The following FARP2 variants were observed in gnomAD, a reference collection of about 807,000 sequenced individuals.
The protein encoded by FARP2 is FERM, ARHGEF and pleckstrin domain-containing protein 2.
A neutral mutation model predicts 130.5 loss-of-function variants in FARP2; 111 were observed. The observed-to-expected ratio is 0.85, with a 90% CI of 0.73 to 1.00. The LOEUF (loss-of-function observed/expected upper bound fraction) is 1.00, where lower values mean the gene tolerates loss of function less well. Among genes scored for constraint, FARP2 ranks in the 50% least tolerant of loss-of-function variants. The pLI, the probability that FARP2 is intolerant of heterozygous loss-of-function variation, is 0.00. For missense variants in FARP2, 1,385 were observed against 1,346.3 expected, an observed-to-expected ratio of 1.03 and a Z score of -0.45; for synonymous variants, 504 against 516.9, an observed-to-expected ratio of 0.98 and a Z score of 0.34.
chr2:241,400,078 C>T (rs1050475772), intron 2 of FARP2, among the ~76,000 whole-genome samples: 1 of 152,150 alleles, frequency 6.6e-6, no homozygotes, highest in South Asian at 2.1e-4. Flanking sequence ...CTTGCACCTG[C>T]GTGGTTAGTG....
At chr2:241,466,230 C>A in intron 17 of FARP2, 2 of 985,412 alleles carry the variant, frequency 2.0e-6, no homozygotes, top group South Asian at 9.4e-5. Flanking sequence ...GGGCCCCTGT[C>A]CCCCTACAGT....
intron 8 of FARP2, among the ~76,000 whole-genome samples, chr2:241,426,788 T>A (rs560333686): frequency 5.9e-5 from 9 of 152,306 alleles, no homozygotes; most frequent in African/African-American, 1.4e-4. Flanking sequence ...TGTGCAGGTT[T>A]AAAAGTGTTG....
intron 1 of FARP2, among the ~76,000 whole-genome samples, chr2:241,367,950 T>C (rs1042164767): frequency 6.6e-6 from 1 of 151,566 alleles, no homozygotes; most frequent in Non-Finnish European, 1.5e-5. Context: ...GATAAAGAGA[T>C]TTTCCATATA....
At chr2:241,473,571 C>T (rs1382269764) in intron 18 of FARP2, among the ~76,000 whole-genome samples, 1 of 152,212 alleles carries the variant, frequency 6.6e-6, no homozygotes, top group African/African-American at 2.4e-5. Flanking sequence ...AGGTGCAGCA[C>T]AGTGTCCATG....
rs996464229 is a variant in FARP2, at chr2:241,475,561, G to T, written c.2132-296G>T. The stretch of plus-strand genomic sequence containing the variant: ...AAACCCTATTGTGAACTGCACATGT[G>T]GGGGATCTAGTTTGTATGCTCCTTG... On this transcript the variant is annotated intron_variant, in intron 18 of 26. Transcript: ENST00000264042. The surrounding 1 kb of genome is among the most constrained non-coding windows in gnomAD (Gnocchi z 4.4). 9.9e-5 allele frequency among the ~76,000 whole-genome samples: 15 copies of T among 152,182 alleles called. No homozygotes were observed. Among genetic ancestry groups the T allele is most frequent in the Admixed American group, 8.5e-4 (13 of 15,276 alleles).
Position 241,475,687 on chromosome 2 carries a change from C to T in FARP2, c.2132-170C>T, listed in dbSNP as rs571186398. On this transcript the variant is annotated intron_variant, in intron 18 of 26. Transcript: ENST00000264042. The surrounding 1 kb of genome is among the most constrained non-coding windows in gnomAD (Gnocchi z 4.4). ...GTGGAAAAATTGTCTTCCATGAAAC[C>T]CATCCCTGGTACCAAAAATGTTGGG... 1.3e-5 allele frequency among the ~76,000 whole-genome samples: 2 copies of T among 152,334 alleles called. No homozygotes were observed. The highest frequency in any genetic ancestry group is 4.8e-5 in the African/African-American group (2 of 41,580).
At position 241,436,479 on chromosome 2, in the gene FARP2, A is replaced by G. The variant is rs1414684078; in HGVS notation, c.1101-2A>G. On this transcript the variant is annotated splice_acceptor_variant, in intron 11 of 26. Coordinates refer to ENST00000264042, the MANE Select transcript of FARP2 (RefSeq NM_014808.4). LOFTEE classifies it high-confidence loss of function. ...TCTCACAGCTCGTCCTCTGTTTTGCAGAAGGCACAGCAAGACCCACACGTC... is the reference window on the plus strand; with the variant it reads ...TCTCACAGCTCGTCCTCTGTTTTGCGGAAGGCACAGCAAGACCCACACGTC... 6.2e-7 allele frequency: 1 copy of G among 1,614,034 alleles called. No homozygotes were observed. Among genetic ancestry groups the G allele is most frequent in the African/African-American group, 1.3e-5 (1 of 74,920 alleles).
At chr2:241,357,029 A>C (rs989188258) in intron 1 of FARP2, among the ~76,000 whole-genome samples, 26 of 152,338 alleles carry the variant, frequency 1.7e-4, no homozygotes, top group African/African-American at 6.3e-4. Context: ...TACATTACAC[A>C]CCCGAATTAC....
At chr2:241,359,858 G>T (rs920446270) in intron 1 of FARP2, among the ~76,000 whole-genome samples, 2 of 152,182 alleles carry the variant, frequency 1.3e-5, no homozygotes, top group Non-Finnish European at 2.9e-5. Flanking sequence ...AGCTGCACAT[G>T]GTTATTGTGA....
In FARP2 at chr2:241,426,538, A is replaced by G. The variant is rs115515913; in HGVS notation, c.772-5141A>G. Reference sequence around the variant, plus strand: ...CAAAGTGGAGAATGTGCTAGCTGTCATAAATGTGCTTTTCAGAAATACGGG... The same window carrying G: ...CAAAGTGGAGAATGTGCTAGCTGTCGTAAATGTGCTTTTCAGAAATACGGG... On this transcript the variant is annotated intron_variant, in intron 8 of 26. Transcript: ENST00000264042. 5.4e-3 allele frequency among the ~76,000 whole-genome samples: 825 copies of G among 152,288 alleles called. 13 individuals are homozygous for G. Among genetic ancestry groups the G allele is most frequent in the African/African-American group, 0.019 (772 of 41,548 alleles).
chr2:241,390,667 T>A (rs1195312482), intron 2 of FARP2, among the ~76,000 whole-genome samples: 3 of 152,168 alleles, frequency 2.0e-5, no homozygotes, highest in Non-Finnish European at 4.4e-5. Context: ...TTGGGGATCT[T>A]ATTTTTTTCT....
At chr2:241,405,874 C>G (rs1380211690) in intron 4 of FARP2, among the ~76,000 whole-genome samples, 1 of 152,092 alleles carries the variant, frequency 6.6e-6, no homozygotes, top group Non-Finnish European at 1.5e-5. Context: ...GCGGAGGTTG[C>G]AGTGAGCCAA....
chr2:241,403,768 A>C, intron 2 of FARP2, 60 bp from the exon 3 acceptor site: 1 of 1,049,188 alleles, frequency 9.5e-7, no homozygotes, highest in Non-Finnish European at 1.5e-6. Flanking sequence ...CACAGTTTTC[A>C]TAAACCCTTG....
intron 2 of FARP2, among the ~76,000 whole-genome samples, chr2:241,373,725 T>C (rs908110825): frequency 6.6e-6 from 1 of 152,212 alleles, no homozygotes; most frequent in Non-Finnish European, 1.5e-5. Flanking sequence ...TCAGAGCTGC[T>C]GGTGAGAGGA....
chr2:241,478,190 C>T (rs2064521947), intron 19 of FARP2: 1 of 154,062 alleles, frequency 6.5e-6, no homozygotes, highest in Non-Finnish European at 1.4e-5. Context: ...GACCCAGCTA[C>T]TCGGGAGGCT....
At chr2:241,452,421 C>T (rs190623076) in intron 13 of FARP2, among the ~76,000 whole-genome samples, 1 of 152,252 alleles carries the variant, frequency 6.6e-6, no homozygotes, top group Admixed American at 6.5e-5. Context: ...AAAAGTCTCC[C>T]CACAGATTTA....
At chr2:241,491,251 CT>C in intron 23 of FARP2, 72 bp downstream of exon 23, 2 of 1,173,048 alleles carry the variant, frequency 1.7e-6, no homozygotes, top group Non-Finnish European at 2.5e-6. Flanking sequence ...AACTGTTTTC[CT>C]TGGTCCCCAT....
At chr2:241,384,510 A>G (rs1426148958) in intron 2 of FARP2, among the ~76,000 whole-genome samples, 2 of 152,230 alleles carry the variant, frequency 1.3e-5, no homozygotes, top group African/African-American at 2.4e-5. Flanking sequence ...GATGCAACTG[A>G]TAAGTTCATG....
intron 1 of FARP2, among the ~76,000 whole-genome samples, chr2:241,357,892 A>G (rs1290536965): frequency 2.0e-5 from 3 of 152,196 alleles, no homozygotes; most frequent in Admixed American, 6.5e-5. Context: ...TCCTTATTCA[A>G]AAAATGAGTT....
Sources: allele counts gnomAD v4.1 joint callset (sites outside exome capture counted in the v4.1 genomes callset), GRCh38; gene constraint gnomAD v4.1.1; non-coding constraint Gnocchi (gnomAD v3.1); transcripts MANE v1.5; gene names NCBI Gene and HGNC (gene_info 2026-07-23, HGNC 2026-07-21).